The following PSMD4 variants were observed in gnomAD, a reference collection of about 807,000 sequenced individuals.
PSMD4 encodes 26S proteasome non-ATPase regulatory subunit 4.
Under a neutral mutation model 39.7 loss-of-function variants are expected in PSMD4, and 5 were observed. The observed-to-expected ratio is 0.13, with a 90% CI of 0.07 to 0.26. PSMD4 has a LOEUF of 0.26. PSMD4 is among the 10% of genes least tolerant of loss of function. The pLI, the probability that PSMD4 is intolerant of heterozygous loss-of-function variation, is 1.00. For synonymous variants in PSMD4, 143 were observed against 174.6 expected (o/e 0.82, Z 1.43); for missense variants, 272 against 486.1 (o/e 0.56, Z 4.14).
chr1:151,263,835 T>G (rs1246861284), intron 2 of PSMD4, 79 bp from the exon 3 acceptor site: 8 of 1,024,632 alleles, frequency 7.8e-6, no homozygotes, highest in Non-Finnish European at 1.1e-5. Context: ...GTCTAAAAAA[T>G]AAATAAATAA....
At chr1:151,264,799 G>C in intron 3 of PSMD4, 33 bp from the exon 4 acceptor site, 1 of 1,539,904 alleles carries the variant, frequency 6.5e-7, no homozygotes, top group Non-Finnish European at 9.0e-7. Context: ...GATTCCTCTG[G>C]TTAACTCTGA....
intron 2 of PSMD4, 57 bp downstream of exon 2, chr1:151,262,358 C>G: frequency 1.2e-6 from 2 of 1,600,068 alleles, no homozygotes; most frequent in South Asian, 1.1e-5. Flanking sequence ...ACATGCTACT[C>G]TTCTTTAGAT....
chr1:151,257,420 GCT>G (rs1232177577), intron 1 of PSMD4, among the ~76,000 whole-genome samples: 13 of 152,162 alleles, frequency 8.5e-5, no homozygotes, highest in Non-Finnish European at 1.3e-4. Flanking sequence ...GGCTTTTCTG[GCT>G]CTTTGTTGGT....
intron 1 of PSMD4, 120 bp from the exon 2 acceptor site, chr1:151,262,040 GA>G (rs1446136780): frequency 4.6e-5 from 48 of 1,033,708 alleles, no homozygotes; most frequent in South Asian, 9.4e-5. Context: ...ATTTAAAAAA[GA>G]AAAAAAGCTA....
Position 151,254,763 on chromosome 1 carries a change from G to A in PSMD4, c.-20G>A. On this transcript the variant is annotated 5_prime_UTR_variant, in exon 1 of 10. Coordinates refer to ENST00000368884, the MANE Select transcript of PSMD4 (RefSeq NM_002810.4). The stretch of plus-strand genomic sequence containing the variant: ...TTAGGCCGTCCCGGAGACCCGGTCG[G>A]GAGGGAGGAAGGTGGCAAGATGGTG... 1.3e-6 allele frequency: 2 copies of A among 1,559,988 alleles called. No homozygotes were observed. Among genetic ancestry groups the A allele is most frequent in the Middle Eastern group, 1.7e-4 (1 of 5,982 alleles).
At chr1:151,266,149 G>A (rs952695549) in intron 7 of PSMD4, 37 bp downstream of exon 7, 1 of 1,591,920 alleles carries the variant, frequency 6.3e-7, no homozygotes, top group African/African-American at 1.3e-5. Context: ...GGGACTGCGG[G>A]ATGCTAAACA....
intron 1 of PSMD4, among the ~76,000 whole-genome samples, chr1:151,261,043 A>G (rs1693305371): frequency 6.6e-6 from 1 of 151,586 alleles, no homozygotes; most frequent in Admixed American, 6.6e-5. Context: ...ACGGGGTTTC[A>G]CAATGTTAGC....
rs754784719 is a variant in PSMD4 at position 151,265,357 on chromosome 1, G to T, written c.439-37G>T. The T allele has an allele frequency of 6.8e-6, 11 of 1,607,418 alleles. No homozygotes were observed. In the Admixed American group the frequency reaches 8.3e-5, roughly 12 times the overall value. On this transcript the variant is annotated intron_variant, in intron 5 of 9. Transcript: ENST00000368884. ...GAAATGGGAAAGAACAGGGAGCAAG[G>T]CCTGAAGAAGGGCATCATGTGTTCT...
At chr1:151,260,786 C>T (rs587734854) in intron 1 of PSMD4, among the ~76,000 whole-genome samples, 2 of 152,174 alleles carry the variant, frequency 1.3e-5, no homozygotes, top group South Asian at 4.2e-4. Context: ...ATCTGCCCAC[C>T]TCGGCCCCCC....
intron 1 of PSMD4, among the ~76,000 whole-genome samples, chr1:151,259,414 C>T (rs1212370277): frequency 6.6e-6 from 1 of 152,184 alleles, no homozygotes; most frequent in Non-Finnish European, 1.5e-5. Context: ...TGATTTGGGG[C>T]ATTTCGGATC....
At chr1:151,255,214 A>G (rs922937663) in intron 1 of PSMD4, among the ~76,000 whole-genome samples, 1 of 152,210 alleles carries the variant, frequency 6.6e-6, no homozygotes, top group Non-Finnish European at 1.5e-5. Flanking sequence ...CCTCGTCTCT[A>G]ACTTCATTAC....
intron 3 of PSMD4, 70 bp downstream of exon 3, chr1:151,264,098 T>TC: frequency 8.5e-7 from 1 of 1,183,322 alleles, no homozygotes; most frequent in Non-Finnish European, 1.2e-6. Context: ...TACTCATTTC[T>TC]CCCCTGGAAT....
chr1:151,266,034 C>T lies in PSMD4; in HGVS notation c.685C>T (p.Gln229Ter). The change falls in exon 7 of 10, where the codon CAG becomes TAG. Residue 229 changes from glutamine to a stop codon, truncating the protein, a stop_gained. Coordinates refer to ENST00000368884, the MANE Select transcript of PSMD4 (RefSeq NM_002810.4). LOFTEE classifies it high-confidence loss of function. ...TCGTGTATCTATGGAAGAGCAGCGG[C>T]AGCGGCAGGAGGAGGAGGCCCGGCG... is the stretch of plus-strand genomic sequence containing the variant. ...ALRVSMEEQR[Q>*]RQEEEARRAA... is the part of the protein sequence containing the mutation. The T allele has an allele frequency of 6.2e-7, 1 of 1,605,916 alleles. No homozygotes were observed. The highest frequency in any genetic ancestry group is 8.5e-7 in the Non-Finnish European group (1 of 1,176,084).
Position 151,267,283 on chromosome 1 carries a change from C to T in PSMD4, c.1074C>T (p.Ser358=). 6.2e-7 allele frequency: 1 copy of T among 1,613,884 alleles called. No homozygotes were observed. Among genetic ancestry groups the T allele is most frequent in the Non-Finnish European group, 8.5e-7 (1 of 1,179,832 alleles). The change falls in exon 10 of 10, where the codon TCC becomes TCT. Residue 358 remains serine, a synonymous_variant. Coordinates refer to ENST00000368884, the MANE Select transcript of PSMD4 (RefSeq NM_002810.4). ...NNEAIRNAMG[S]LASQATKDGK... ...AAGCCATTCGAAATGCTATGGGCTC[C>T]CTGGCCTCCCAGGCCACCAAGGACG... is the stretch of plus-strand genomic sequence containing the variant.
rs1032425703 is a variant in PSMD4 at position 151,262,464 on chromosome 1, A to G, written c.167+163A>G. On this transcript the variant is annotated intron_variant, in intron 2 of 9. Transcript: ENST00000368884. ...CAACTTGTTTTTTGTATTAACCTGT[A>G]TTTAATGTAGTACGGAAGCTAAATC... The G allele has an allele frequency of 8.7e-6, 7 of 807,676 alleles. No individual in the cohort carries two copies. The African/African-American group carries it at 1.0e-4, about 12-fold the overall frequency. 50.0% of individuals were successfully genotyped at this position (807,676 alleles called of 1,614,324 possible). A position where few individuals can be genotyped will look rare whatever the true frequency, so the allele number is the denominator to read the frequency against.
chr1:151,262,517 T>C (rs1160043256), intron 2 of PSMD4: 1 of 576,934 alleles, frequency 1.7e-6, no homozygotes, highest in African/African-American at 1.9e-5. Context: ...TGTTTCTTTT[T>C]ATTGTTTGTT....
At chr1:151,255,284 T>A (rs587659765) in intron 1 of PSMD4, among the ~76,000 whole-genome samples, 1 of 152,356 alleles carries the variant, frequency 6.6e-6, no homozygotes, top group East Asian at 1.9e-4. Flanking sequence ...TATCAGTCAT[T>A]TTGTTTATCT....
rs766687200 is a variant in PSMD4 at position 151,267,169 on chromosome 1, G to A, written c.964-4G>A. 5 of 1,613,896 alleles carry A rather than the reference G, an allele frequency of 3.1e-6. No homozygotes were observed. In the East Asian group the frequency reaches 1.1e-4, roughly 36 times the overall value. Reference sequence around the variant, plus strand: ...TCCCTTGAGCTCACACTGCCTGTTTGCAGGAGGAGGATGATTACGACGTGA... The same window carrying A: ...TCCCTTGAGCTCACACTGCCTGTTTACAGGAGGAGGATGATTACGACGTGA... On this transcript the variant is annotated splice_region_variant and splice_polypyrimidine_tract_variant and intron_variant, in intron 9 of 9. Transcript: ENST00000368884.
intron 2 of PSMD4, chr1:151,263,698 G>T: frequency 3.2e-6 from 1 of 314,120 alleles, no homozygotes; most frequent in Non-Finnish European, 6.0e-6. Flanking sequence ...AGGCGTGGTA[G>T]TGGGTGCCCG....
Sources: allele counts gnomAD v4.1 joint callset (sites outside exome capture counted in the v4.1 genomes callset), GRCh38; gene constraint gnomAD v4.1.1; transcripts MANE v1.5; gene names NCBI Gene and HGNC (gene_info 2026-07-23, HGNC 2026-07-21).